STRN3: variants seen among roughly 807,000 people sequenced by gnomAD.
STRN3 encodes the protein striatin-3.
A neutral mutation model predicts 95.6 loss-of-function variants in STRN3; 29 were observed. That is an observed-to-expected ratio of 0.30 (90% CI 0.23 to 0.41). STRN3 has a LOEUF of 0.41. STRN3 is among the 10% of genes least tolerant of loss of function. The pLI, the probability that STRN3 is intolerant of heterozygous loss-of-function variation, is 1.00. For synonymous variants in STRN3, 331 were observed against 357.6 expected (o/e 0.93, Z 0.84); for missense variants, 890 against 972.1 (o/e 0.92, Z 1.12).
At chr14:30,982,801 T>C (rs1322602704) in intron 1 of STRN3, among the ~76,000 whole-genome samples, 2 of 152,194 alleles carry the variant, frequency 1.3e-5, no homozygotes, top group South Asian at 2.1e-4. Flanking sequence ...AGTCTCGTTA[T>C]GTTGCCCAGA....
chr14:30,964,308 G>A (rs1252597267), intron 1 of STRN3: 1 of 152,202 alleles, frequency 6.6e-6, no homozygotes, highest in Non-Finnish European at 1.5e-5. Flanking sequence ...TGGATCATGA[G>A]GGTTTTGTTG....
At chr14:31,022,395 A>G (rs1883547196) in intron 1 of STRN3, among the ~76,000 whole-genome samples, 1 of 151,878 alleles carries the variant, frequency 6.6e-6, no homozygotes, top group Non-Finnish European at 1.5e-5. Flanking sequence ...AAAAAAAAAA[A>G]AAGAACATAA....
intron 1 of STRN3, among the ~76,000 whole-genome samples, chr14:30,985,878 T>C (rs1293001762): frequency 2.0e-5 from 3 of 152,200 alleles, no homozygotes; most frequent in Non-Finnish European, 4.4e-5. Flanking sequence ...AAAAACTACC[T>C]GTTCAGAACA....
intron 12 of STRN3, 88 bp from the exon 13 acceptor site, chr14:30,911,250 A>G (rs2138987217): frequency 7.2e-7 from 1 of 1,395,646 alleles, no homozygotes; most frequent in East Asian, 2.5e-5. Context: ...GAATTTATGT[A>G]ATATCTAAAA....
intron 1 of STRN3, among the ~76,000 whole-genome samples, chr14:31,004,054 C>T (rs1882601435): frequency 6.6e-6 from 1 of 151,964 alleles, no homozygotes; most frequent in Non-Finnish European, 1.5e-5. Context: ...GAGGCCAAGG[C>T]AGGCATATTA....
At chr14:31,016,312 C>T (rs1432263396) in intron 1 of STRN3, among the ~76,000 whole-genome samples, 1 of 152,004 alleles carries the variant, frequency 6.6e-6, no homozygotes, top group African/African-American at 2.4e-5. Context: ...ACCAAGATAC[C>T]CTCCAAAAGG....
chr14:31,021,344 C>T (rs1164439270), intron 1 of STRN3, among the ~76,000 whole-genome samples: 1 of 152,074 alleles, frequency 6.6e-6, no homozygotes, highest in Admixed American at 6.6e-5. Context: ...GCATAGATTA[C>T]TTAACCTTTG....
chr14:30,973,924 A>G (rs1304999487), intron 1 of STRN3, among the ~76,000 whole-genome samples: 3 of 152,222 alleles, frequency 2.0e-5, no homozygotes, highest in Non-Finnish European at 2.9e-5. Context: ...CCCTTTCATG[A>G]TAACACTCCA....
intron 4 of STRN3, 66 bp downstream of exon 4, chr14:30,950,797 G>T (rs2139125748): frequency 7.0e-7 from 1 of 1,420,074 alleles, no homozygotes; most frequent in Non-Finnish European, 9.8e-7. Context: ...TACTTGTAAA[G>T]TGATTCAGTA....
rs996175817 is a variant in STRN3 at position 30,912,712 on chromosome 14, T to C, written c.1375-530A>G. On this transcript the variant is annotated intron_variant, in intron 10 of 17. Coordinates refer to ENST00000357479, the MANE Select transcript of STRN3 (RefSeq NM_001083893.2). ...ATTGACAGAGGTTTATCTTTTTACC[T>C]TCACATTTCTCCATCTGTAAAGATA... 2.0e-5 allele frequency among the ~76,000 whole-genome samples: 3 copies of C among 152,152 alleles called. No individual in the cohort carries two copies. The South Asian group carries it at 6.2e-4, about 32-fold the overall frequency.
At chr14:30,947,944 C>T (rs2139116876) in intron 4 of STRN3, among the ~76,000 whole-genome samples, 1 of 152,116 alleles carries the variant, frequency 6.6e-6, no homozygotes, top group South Asian at 2.1e-4. Context: ...ATGAAGGATG[C>T]TTAAAAGATG....
chr14:30,963,402 G>A (rs906567568), intron 1 of STRN3, among the ~76,000 whole-genome samples: 3 of 152,098 alleles, frequency 2.0e-5, no homozygotes, highest in Admixed American at 1.3e-4. Flanking sequence ...CACAAGTTAA[G>A]TCTAAATAAC....
At chr14:31,003,468 T>C (rs1178638793) in intron 1 of STRN3, among the ~76,000 whole-genome samples, 1 of 151,992 alleles carries the variant, frequency 6.6e-6, no homozygotes. Context: ...CCTAATGATA[T>C]TTGGGTCATG....
intron 3 of STRN3, among the ~76,000 whole-genome samples, chr14:30,953,436 A>G (rs887486870): frequency 6.6e-6 from 1 of 152,194 alleles, no homozygotes; most frequent in Non-Finnish European, 1.5e-5. Context: ...TAGTTTGCTC[A>G]CTTTTGTTGC....
At chr14:30,936,971 A>G (rs909843382) in intron 5 of STRN3, among the ~76,000 whole-genome samples, 20 of 152,196 alleles carry the variant, frequency 1.3e-4, no homozygotes, top group Non-Finnish European at 2.8e-4. Context: ...TCTTATAACT[A>G]CAACCTCTTA....
At chr14:31,015,315 T>C (rs2139335857) in intron 1 of STRN3, among the ~76,000 whole-genome samples, 1 of 152,294 alleles carries the variant, frequency 6.6e-6, no homozygotes, top group Non-Finnish European at 1.5e-5. Context: ...TTCTTTGCTT[T>C]ATACACATAA....
Position 30,929,958 on chromosome 14 carries a change from A to AAAAAAAAAAC in STRN3, c.989-648_989-647insGTTTTTTTTT, listed in dbSNP as rs1878412751. ...TTGGTCTACAACTAAGATTAGCAAA[A>AAAAAAAAAAC]AAAAAAAAAAAAAAAAAAAAACTCA... On this transcript the variant is annotated intron_variant, in intron 7 of 17. Coordinates refer to ENST00000357479, the MANE Select transcript of STRN3 (RefSeq NM_001083893.2). 1.5e-5 allele frequency among the ~76,000 whole-genome samples: 2 copies of AAAAAAAAAAC among 132,430 alleles called. 1 individual carries two copies. The highest frequency in any genetic ancestry group is 3.2e-5 in the Non-Finnish European group (2 of 63,160). The allele number at this position is 132,430 out of a possible 152,430, so 86.9% of individuals were successfully genotyped here.
chr14:30,896,074 C>T (rs575713151), intron 16 of STRN3, among the ~76,000 whole-genome samples: 1 of 152,328 alleles, frequency 6.6e-6, no homozygotes, highest in African/African-American at 2.4e-5. Context: ...TTTCTATAGA[C>T]TGGCCTATTC....
At chr14:30,925,139 A>G (rs1221908942) in intron 8 of STRN3, among the ~76,000 whole-genome samples, 1 of 151,526 alleles carries the variant, frequency 6.6e-6, no homozygotes, top group Non-Finnish European at 1.5e-5. Context: ...TATATTGTAT[A>G]TCTCACTTAG....
Sources: allele counts gnomAD v4.1 joint callset (sites outside exome capture counted in the v4.1 genomes callset), GRCh38; gene constraint gnomAD v4.1.1; transcripts MANE v1.5; gene names NCBI Gene and HGNC (gene_info 2026-07-23, HGNC 2026-07-21).